ARHGEF11: variants seen among roughly 807,000 people sequenced by gnomAD.
The protein encoded by ARHGEF11 is Rho guanine exchange factor (GEF) 11.
In ARHGEF11, 55 loss-of-function variants were observed where a neutral mutation model predicts 193.7. That is an observed-to-expected ratio of 0.28 (90% CI 0.23 to 0.36). The LOEUF is 0.36. Among genes scored for constraint, ARHGEF11 ranks in the 10% least tolerant of loss-of-function variants. The pLI, the probability that ARHGEF11 is intolerant of heterozygous loss-of-function variation, is 1.00. For missense variants in ARHGEF11, 1,723 were observed against 2,005.6 expected, an observed-to-expected ratio of 0.86 and a Z score of 2.69; for synonymous variants, 693 against 768.0, an observed-to-expected ratio of 0.90 and a Z score of 1.62.
intron 1 of ARHGEF11, among the ~76,000 whole-genome samples, chr1:156,997,237 C>T (rs1277017169): frequency 6.6e-6 from 1 of 151,974 alleles, no homozygotes; most frequent in Non-Finnish European, 1.5e-5. Context: ...CACACAGCTG[C>T]TGTGAGAATT....
intron 1 of ARHGEF11, among the ~76,000 whole-genome samples, chr1:157,022,651 A>C (rs1670134512): frequency 6.6e-6 from 1 of 152,208 alleles, no homozygotes; most frequent in African/African-American, 2.4e-5. Flanking sequence ...TTGATTTTTT[A>C]ATAGAAATTG....
In ARHGEF11 at chr1:156,947,799, G is replaced by A. The variant is rs1017809905; in HGVS notation, c.2311C>T (p.Arg771Trp). ...GKDVVAGLTQ[R>W]EIDRQEVINE... Reference sequence around the variant, plus strand: ...ATGACCTCTTGCCGGTCAATCTCCCGCTGGGTTAGCCCAGCCACCACATCC... The same window carrying A: ...ATGACCTCTTGCCGGTCAATCTCCCACTGGGTTAGCCCAGCCACCACATCC... Residue 771 changes from arginine to tryptophan, a missense_variant, in exon 25 of 41, where the codon CGG becomes TGG. Transcript: ENST00000368194. 3.1e-6 allele frequency: 5 copies of A among 1,613,546 alleles called. No individual in the cohort carries two copies. Among genetic ancestry groups the A allele is most frequent in the Admixed American group, 1.7e-5 (1 of 59,992 alleles).
intron 1 of ARHGEF11, among the ~76,000 whole-genome samples, chr1:157,011,581 C>T (rs1353863676): frequency 6.6e-6 from 1 of 152,178 alleles, no homozygotes; most frequent in Non-Finnish European, 1.5e-5. Context: ...TTGCAAACCA[C>T]ATATCTGATA....
intron 25 of ARHGEF11, 115 bp downstream of exon 25, chr1:156,947,654 C>T: frequency 1.4e-6 from 2 of 1,418,732 alleles, no homozygotes; most frequent in Non-Finnish European, 1.9e-6. Flanking sequence ...GGACCTGCTC[C>T]AGCACACAGG....
chr1:156,955,883 A>T, intron 19 of ARHGEF11, 84 bp from the exon 20 acceptor site: 3 of 1,045,092 alleles, frequency 2.9e-6, no homozygotes, highest in Non-Finnish European at 4.5e-6. Context: ...CTGTCCCCCA[A>T]GGCTGGCCCT....
chr1:157,012,900 G>T (rs1230991995), intron 1 of ARHGEF11, among the ~76,000 whole-genome samples: 1 of 152,172 alleles, frequency 6.6e-6, no homozygotes, highest in Admixed American at 6.5e-5. Context: ...TAATGTACAT[G>T]AAGAAACATT....
chr1:156,942,816 AG>A, intron 32 of ARHGEF11, 36 bp from the exon 33 acceptor site: 2 of 1,578,060 alleles, frequency 1.3e-6, no homozygotes, highest in African/African-American at 1.3e-5. Flanking sequence ...GGTCTGTACT[AG>A]GGATGGCAGG....
intron 1 of ARHGEF11, among the ~76,000 whole-genome samples, chr1:157,036,442 C>CTCCCAAGT (rs1204399327): frequency 1.3e-5 from 2 of 152,038 alleles, no homozygotes; most frequent in Non-Finnish European, 2.9e-5. Flanking sequence ...CTGCTTCAGC[C>CTCCCAAGT]TCCCAAGTAG....
At chr1:156,966,227 C>T (rs1287334629) in intron 11 of ARHGEF11, among the ~76,000 whole-genome samples, 1 of 152,188 alleles carries the variant, frequency 6.6e-6, no homozygotes, top group African/African-American at 2.4e-5. Context: ...GAGACCCCAT[C>T]TTCTGAAGAC....
chr1:156,960,478 G>T lies in ARHGEF11; in HGVS notation c.1240-18C>A, dbSNP rs1462733258. ...CTCAGAGGCTAAAAAACAGAAGTGT[G>T]GAGCAGAAGCAGTCAGGTCTGCACA... On this transcript the variant is annotated intron_variant, in intron 14 of 40. Coordinates refer to ENST00000368194, the MANE Select transcript of ARHGEF11 (RefSeq NM_198236.3). 6.2e-7 allele frequency: 1 copy of T among 1,613,986 alleles called. No individual in the cohort carries two copies. Among genetic ancestry groups the T allele is most frequent in the Admixed American group, 1.7e-5 (1 of 60,018 alleles).
In ARHGEF11 at chr1:156,986,077, G is replaced by T. The variant is rs7555267; in HGVS notation, c.124+5C>A. The stretch of plus-strand genomic sequence containing the variant: ...TTTTTGTATGTTAATGCCCAAGGAG[G>T]TTACCTGTTGTCTCAGAGGCATCCG... On this transcript the variant is annotated splice_donor_5th_base_variant and intron_variant, in intron 2 of 40. Coordinates refer to ENST00000368194, the MANE Select transcript of ARHGEF11 (RefSeq NM_198236.3). 1,347 of 1,612,310 alleles carry T rather than the reference G, an allele frequency of 8.4e-4. 10 individuals carry two copies. In the African/African-American group the frequency reaches 0.014, roughly 17 times the overall value.
intron 7 of ARHGEF11, among the ~76,000 whole-genome samples, chr1:156,974,319 T>C (rs2102342592): frequency 6.6e-6 from 1 of 152,272 alleles, no homozygotes; most frequent in South Asian, 2.1e-4. Context: ...CTTCCCACTT[T>C]GGCTTCCCAA....
chr1:157,008,796 C>T (rs926420895), intron 1 of ARHGEF11, among the ~76,000 whole-genome samples: 5 of 152,206 alleles, frequency 3.3e-5, no homozygotes, highest in African/African-American at 1.2e-4. Flanking sequence ...TTCAGCATCT[C>T]TATCTCACCC....
chr1:156,938,811 G>A (rs1656110676), intron 37 of ARHGEF11: 3 of 410,490 alleles, frequency 7.3e-6, no homozygotes, highest in South Asian at 4.0e-5. Flanking sequence ...AATCCCAGGG[G>A]AGGGCAGGCC....
chr1:157,027,368 T>C (rs569005440), intron 1 of ARHGEF11, among the ~76,000 whole-genome samples: 1 of 152,138 alleles, frequency 6.6e-6, no homozygotes, highest in African/African-American at 2.4e-5. Flanking sequence ...GGTGACAGAG[T>C]GAGACCCTGT....
chr1:156,982,555 G>GCA (rs766711199), intron 3 of ARHGEF11, among the ~76,000 whole-genome samples: 7 of 151,992 alleles, frequency 4.6e-5, no homozygotes, highest in Non-Finnish European at 1.0e-4. Context: ...ATGCATGCAT[G>GCA]CACACACACA....
At chr1:156,985,730 CTT>C (rs56055266) in intron 2 of ARHGEF11, 31 of 138,168 alleles carry the variant, frequency 2.2e-4, no homozygotes, top group South Asian at 4.7e-4. Context: ...AGCCATGTGC[CTT>C]TTTTTTTTTT....
At chr1:156,964,838 T>A (rs567964240) in intron 11 of ARHGEF11, among the ~76,000 whole-genome samples, 86 of 152,260 alleles carry the variant, frequency 5.6e-4, no homozygotes, top group Admixed American at 1.5e-3. Context: ...CAGAAGGTGG[T>A]GGGTGAGCAC....
chr1:156,983,593 G>A (rs1664514590), intron 3 of ARHGEF11, among the ~76,000 whole-genome samples: 1 of 152,192 alleles, frequency 6.6e-6, no homozygotes, highest in Admixed American at 6.6e-5. Flanking sequence ...GCATATGCTA[G>A]AGTTTTGACT....
Sources: allele counts gnomAD v4.1 joint callset (sites outside exome capture counted in the v4.1 genomes callset), GRCh38; gene constraint gnomAD v4.1.1; transcripts MANE v1.5; gene names NCBI Gene and HGNC (gene_info 2026-07-23, HGNC 2026-07-21).